The following TMEM132D variants were observed in gnomAD, a reference collection of about 807,000 sequenced individuals.
TMEM132D encodes the protein transmembrane protein 132D.
In TMEM132D, 21 loss-of-function variants were observed where a neutral mutation model predicts 62.3. The observed-to-expected ratio is 0.34, with a 90% CI of 0.24 to 0.49. The LOEUF is 0.49. TMEM132D is among the 20% of genes least tolerant of loss of function. The pLI, the probability that TMEM132D is intolerant of heterozygous loss-of-function variation, is 0.99. For missense variants in TMEM132D, 1,346 were observed against 1,402.8 expected (o/e 0.96, Z 0.65); for synonymous variants, 621 against 575.6 (o/e 1.08, Z -1.13).
intron 1 of TMEM132D, among the ~76,000 whole-genome samples, chr12:129,745,395 T>C (rs1869745811): frequency 6.6e-6 from 1 of 152,174 alleles, no homozygotes; most frequent in East Asian, 1.9e-4. Context: ...CCCAAGTCCA[T>C]AGATCAGAGA....
intron 4 of TMEM132D, among the ~76,000 whole-genome samples, chr12:129,236,346 C>T (rs1164442701): frequency 6.6e-6 from 1 of 151,618 alleles, no homozygotes; most frequent in East Asian, 1.9e-4. Context: ...GAAACCCTAT[C>T]TCTACTGAAA....
intron 6 of TMEM132D, among the ~76,000 whole-genome samples, 187 bp from the exon 7 acceptor site, chr12:129,082,219 A>G (rs1158311162): frequency 6.6e-6 from 1 of 152,150 alleles, no homozygotes; most frequent in Non-Finnish European, 1.5e-5. Flanking sequence ...ACCCATCAGC[A>G]TGGCCGGTGC....
At chr12:129,275,060 C>T (rs1294476370) in intron 4 of TMEM132D, among the ~76,000 whole-genome samples, 1 of 152,082 alleles carries the variant, frequency 6.6e-6, no homozygotes, top group African/African-American at 2.4e-5. Flanking sequence ...CGGGACGATT[C>T]CTTGAGGCCA....
chr12:129,817,998 AGTGT>A (rs1273251305), intron 1 of TMEM132D, among the ~76,000 whole-genome samples: 1 of 90,672 alleles, frequency 1.1e-5, no homozygotes, highest in South Asian at 3.6e-4. Flanking sequence ...GTGTGGTGTA[AGTGT>A]GTGTGTCTAT....
At chr12:129,742,292 G>A (rs748276316) in intron 1 of TMEM132D, among the ~76,000 whole-genome samples, 17 of 152,210 alleles carry the variant, frequency 1.1e-4, no homozygotes, top group East Asian at 5.8e-4. Context: ...ACCAGCATCT[G>A]CTCAGCTTCT....
At chr12:129,745,353 C>T (rs4609642) in intron 1 of TMEM132D, among the ~76,000 whole-genome samples, 86,366 of 151,978 alleles carry the variant, frequency 0.57, 25,039 homozygotes, top group Middle Eastern at 0.64. Context: ...AGTCAACACC[C>T]GCAAATGCGG....
At chr12:129,474,823 T>C (rs796744980) in intron 3 of TMEM132D, among the ~76,000 whole-genome samples, 32 of 152,288 alleles carry the variant, frequency 2.1e-4, no homozygotes, top group African/African-American at 6.5e-4. Context: ...CTGGAAGCGA[T>C]GACATTGACC....
intron 1 of TMEM132D, among the ~76,000 whole-genome samples, chr12:129,803,337 A>G (rs1432444260): frequency 4.0e-5 from 6 of 151,364 alleles, no homozygotes; most frequent in Non-Finnish European, 5.9e-5. Flanking sequence ...ATAACAAACT[A>G]TCTCTCAGAC....
intron 4 of TMEM132D, among the ~76,000 whole-genome samples, chr12:129,307,871 T>C (rs909807495): frequency 4.6e-5 from 7 of 152,204 alleles, no homozygotes; most frequent in Non-Finnish European, 5.9e-5. Context: ...AAGCATAAAA[T>C]GTATGATTTT....
chr12:129,114,679 C>T (rs1875837543), intron 5 of TMEM132D, among the ~76,000 whole-genome samples: 1 of 152,186 alleles, frequency 6.6e-6, no homozygotes, highest in Non-Finnish European at 1.5e-5. Flanking sequence ...GCAGCCACTA[C>T]TCTGGCTCTT....
At chr12:129,425,801 T>C (rs1227456086) in intron 3 of TMEM132D, among the ~76,000 whole-genome samples, 1 of 152,204 alleles carries the variant, frequency 6.6e-6, no homozygotes, top group African/African-American at 2.4e-5. Context: ...CCATGTGAAG[T>C]AGTGATAATC....
At chr12:129,641,227 G>A (rs1367406316) in intron 2 of TMEM132D, among the ~76,000 whole-genome samples, 3 of 152,186 alleles carry the variant, frequency 2.0e-5, no homozygotes, top group East Asian at 1.9e-4. Flanking sequence ...TGTAAGGCAC[G>A]ACAAAAAGAC....
At chr12:129,205,788 C>CAAAA (rs527700034) in intron 5 of TMEM132D, among the ~76,000 whole-genome samples, 1 of 146,012 alleles carries the variant, frequency 6.8e-6, no homozygotes, top group Non-Finnish European at 1.5e-5. Flanking sequence ...TTAGCAAATT[C>CAAAA]AAAAAAAAAA....
At chr12:129,259,329 AAGG>A (rs1880491103) in intron 4 of TMEM132D, among the ~76,000 whole-genome samples, 1 of 152,202 alleles carries the variant, frequency 6.6e-6, no homozygotes, top group African/African-American at 2.4e-5. Context: ...CTGTTGCCTG[AAGG>A]AGAAGAACCA....
intron 1 of TMEM132D, among the ~76,000 whole-genome samples, chr12:129,762,733 G>T (rs759063028): frequency 2.9e-4 from 44 of 152,166 alleles, no homozygotes; most frequent in Non-Finnish European, 4.7e-4. Context: ...AACATATATT[G>T]TACAAATCAA....
At chr12:129,393,345 TAA>T (rs1871339264) in intron 3 of TMEM132D, among the ~76,000 whole-genome samples, 1 of 152,244 alleles carries the variant, frequency 6.6e-6, no homozygotes, top group Non-Finnish European at 1.5e-5. Context: ...GGATGTTGTT[TAA>T]AAGTGTCAAT....
rs1164984185 is a variant in TMEM132D, at chr12:129,438,190, T to C, written c.1115+92869A>G. ...AAGTCTTTGCTATTGTGAATAGTGC[T>C]GCAATAAACATACGTGTGCATGTGC... On this transcript the variant is annotated intron_variant, in intron 3 of 8. Coordinates refer to ENST00000422113, the MANE Select transcript of TMEM132D (RefSeq NM_133448.3). 3.3e-5 allele frequency among the ~76,000 whole-genome samples: 5 copies of C among 152,296 alleles called. No homozygotes were observed. The East Asian group carries it at 5.8e-4, about 18-fold the overall frequency.
rs557100664 is a variant in TMEM132D at position 129,897,260 on chromosome 12, G to A, written c.79+6001C>T. ...AATTCATTCAAGTGTGCTGTCTGGC[G>A]TCAAACATCAAAATCAACAACGCAT... On this transcript the variant is annotated intron_variant, in intron 1 of 8. Coordinates refer to ENST00000422113, the MANE Select transcript of TMEM132D (RefSeq NM_133448.3). Among the ~76,000 whole-genome samples the A allele has an allele frequency of 7.9e-5, 12 of 152,298 alleles. No homozygotes were observed. The South Asian group carries it at 2.1e-3, about 26-fold the overall frequency.
At chr12:129,692,389 C>T (rs1187413749) in intron 2 of TMEM132D, among the ~76,000 whole-genome samples, 5 of 152,130 alleles carry the variant, frequency 3.3e-5, no homozygotes, top group African/African-American at 1.2e-4. Flanking sequence ...TCAATGGGGT[C>T]GTTTGTTTTT....
Sources: gnomAD v4.1 joint callset for allele counts (sites outside exome capture counted in the v4.1 genomes callset) on GRCh38, gnomAD v4.1.1 for gene constraint, MANE v1.5 for transcripts, NCBI Gene and HGNC (gene_info 2026-07-23, HGNC 2026-07-21) for gene names.